The following GPR176 variants were observed in gnomAD, a reference collection of about 807,000 sequenced individuals.
GPR176 encodes the protein G protein-coupled receptor 176, also known as G-protein coupled receptor 176.
Under a neutral mutation model 35.4 loss-of-function variants are expected in GPR176, and 26 were observed. The ratio of observed to expected loss-of-function variants is 0.74; its 90% CI spans 0.54 to 1.02. GPR176 has a LOEUF of 1.02. Ranked by LOEUF, GPR176 falls within the 50% of genes least tolerant of loss-of-function variation. The pLI is 0.00. For synonymous variants in GPR176, 278 were observed against 271.3 expected (o/e 1.02, Z -0.24); for missense variants, 597 against 665.3 (o/e 0.90, Z 1.13).
chr15:39,850,796 A>T (rs1030662545), intron 1 of GPR176, among the ~76,000 whole-genome samples: 1 of 152,180 alleles, frequency 6.6e-6, no homozygotes, highest in Non-Finnish European at 1.5e-5. Flanking sequence ...TCAAAATAAA[A>T]TGTTTAATTT....
chr15:39,855,549 A>G (rs2031160450), intron 1 of GPR176, among the ~76,000 whole-genome samples: 1 of 152,168 alleles, frequency 6.6e-6, no homozygotes, highest in South Asian at 2.1e-4. Context: ...GCACAGCAGC[A>G]GGAGTTTTGG....
chr15:39,901,300 T>C (rs1313631343), intron 1 of GPR176, among the ~76,000 whole-genome samples: 1 of 152,204 alleles, frequency 6.6e-6, no homozygotes, highest in Non-Finnish European at 1.5e-5. Flanking sequence ...ATGGAAATGG[T>C]TGGCAGAAGC....
chr15:39,816,279 G>C (rs1255010471), intron 1 of GPR176, among the ~76,000 whole-genome samples: 1 of 152,110 alleles, frequency 6.6e-6, no homozygotes, highest in Non-Finnish European at 1.5e-5. Context: ...TAGATTTTAA[G>C]TGTTCTCAGC....
chr15:39,837,565 T>A lies in GPR176; in HGVS notation c.173-30307A>T, dbSNP rs555229122. Among the ~76,000 whole-genome samples, 5 of 152,320 alleles carry A rather than the reference T, an allele frequency of 3.3e-5. No individual in the cohort carries two copies. The South Asian group carries it at 1.0e-3, about 32-fold the overall frequency. On this transcript the variant is annotated intron_variant, in intron 1 of 2. Coordinates refer to ENST00000561100, the MANE Select transcript of GPR176 (RefSeq NM_007223.3). The stretch of plus-strand genomic sequence containing the variant: ...AATTTAATCTTCTGTTTCTCCATTA[T>A]ACTTTGTTTACATTAATTAACACAG...
chr15:39,885,473 G>C (rs1288150668), intron 1 of GPR176, among the ~76,000 whole-genome samples: 1 of 152,208 alleles, frequency 6.6e-6, no homozygotes, highest in Non-Finnish European at 1.5e-5. Flanking sequence ...AAGTAAATTA[G>C]AGACAAGTCT....
At chr15:39,817,618 G>A (rs1296468739) in intron 1 of GPR176, among the ~76,000 whole-genome samples, 1 of 152,182 alleles carries the variant, frequency 6.6e-6, no homozygotes, top group Non-Finnish European at 1.5e-5. Flanking sequence ...AAATCTAAAG[G>A]TCAAATTCAT....
intron 1 of GPR176, among the ~76,000 whole-genome samples, chr15:39,893,814 C>G (rs963485241): frequency 2.3e-5 from 3 of 130,844 alleles, no homozygotes; most frequent in Admixed American, 7.5e-5. Context: ...GATGGGGCGG[C>G]TGGCCTGGCA....
At chr15:39,829,109 A>G in intron 1 of GPR176, 2 of 1,300,908 alleles carry the variant, frequency 1.5e-6, no homozygotes, top group Non-Finnish European at 2.1e-6. Flanking sequence ...GAAGCAGTGG[A>G]GCTGGCATTC....
intron 1 of GPR176, among the ~76,000 whole-genome samples, chr15:39,850,684 T>C (rs919870354): frequency 6.6e-6 from 1 of 152,144 alleles, no homozygotes; most frequent in Non-Finnish European, 1.5e-5. Flanking sequence ...GGCTGTGATA[T>C]TGTACTACAA....
intron 1 of GPR176, among the ~76,000 whole-genome samples, chr15:39,895,106 G>A (rs560970022): frequency 2.6e-4 from 40 of 152,354 alleles, no homozygotes; most frequent in Admixed American, 7.2e-4. Flanking sequence ...TGCAATCGCA[G>A]GTACTCGGCA....
At position 39,802,077 on chromosome 15, in the gene GPR176, G is replaced by T. The variant is rs1898916016; in HGVS notation, c.603C>A (p.Gly201=). The part of the protein sequence containing the change: ...TCTEVWSNSL[G]HLVYVLVYNI... ...TATACACCAGAACGTACACCAGGTG[G>T]CCCAAGGAGTTGCTCCAGACTTCCG... Residue 201 remains glycine (G), a synonymous_variant, in exon 3 of 3, where the codon GGC becomes GGA. Coordinates refer to ENST00000561100, the MANE Select transcript of GPR176 (RefSeq NM_007223.3). The T allele has an allele frequency of 6.2e-7, 1 of 1,614,094 alleles. No homozygotes were observed.
intron 1 of GPR176, among the ~76,000 whole-genome samples, chr15:39,823,995 G>GCCTA (rs2140815395): frequency 6.6e-6 from 1 of 152,318 alleles, no homozygotes; most frequent in African/African-American, 2.4e-5. Context: ...TAGAAGTGGG[G>GCCTA]CCTAGTAGGA....
intron 1 of GPR176, among the ~76,000 whole-genome samples, chr15:39,816,999 T>C (rs1269757908): frequency 1.4e-5 from 2 of 140,818 alleles, no homozygotes; most frequent in South Asian, 2.2e-4. Flanking sequence ...AGTCTAGGAG[T>C]TGGAGGCTAC....
At chr15:39,822,648 C>T (rs1227746942) in intron 1 of GPR176, among the ~76,000 whole-genome samples, 2 of 152,192 alleles carry the variant, frequency 1.3e-5, no homozygotes, top group African/African-American at 2.4e-5. Flanking sequence ...AAACTTTAAG[C>T]TCTTTTAACT....
intron 1 of GPR176, among the ~76,000 whole-genome samples, chr15:39,887,526 C>A (rs1340765207): frequency 4.0e-5 from 6 of 149,852 alleles, no homozygotes; most frequent in African/African-American, 1.2e-4. Context: ...TGAAAAACAG[C>A]AAAGGCAGAG....
chr15:39,911,048 T>TAAATA (rs10639301), intron 1 of GPR176, among the ~76,000 whole-genome samples: 3,034 of 151,336 alleles, frequency 0.02, 110 homozygotes, highest in African/African-American at 0.068. Context: ...AAAAATAAAA[T>TAAATA]AAATAAAATA....
rs2030262214 is a variant in GPR176 at position 39,844,476 on chromosome 15, CCA to C, written c.173-37220_173-37219del. On this transcript the variant is annotated intron_variant, in intron 1 of 2. Coordinates refer to ENST00000561100, the MANE Select transcript of GPR176 (RefSeq NM_007223.3). ...GTTAGACAGTGTTCCATGGTTCTCA[CCA>C]CAGTCACAGGATCAGCCAAGAGGAC... is the stretch of plus-strand genomic sequence containing the variant. Among the ~76,000 whole-genome samples, 10 of 152,152 alleles carry C rather than the reference CCA, an allele frequency of 6.6e-5. No homozygotes were observed. In the South Asian group the frequency reaches 2.1e-3, roughly 32 times the overall value.
intron 1 of GPR176, among the ~76,000 whole-genome samples, chr15:39,892,423 T>C (rs923631719): frequency 6.6e-6 from 1 of 152,226 alleles, no homozygotes; most frequent in Admixed American, 6.5e-5. Context: ...TGAGTTTCTA[T>C]TTGAACTTAG....
chr15:39,807,098 G>T lies in GPR176; in HGVS notation c.333C>A (p.Ile111=). ...CGACCTTGCAGAAGAGCATGGTGTA[G>T]ATCCACCAGCAACAGTGAGGACTGG... The part of the protein sequence containing the change: ...LSTSPHCCWW[I]YTMLFCKVVK... The change falls in exon 2 of 3, where the codon ATC becomes ATA. Residue 111 remains isoleucine (I), a synonymous_variant. Coordinates refer to ENST00000561100, the MANE Select transcript of GPR176 (RefSeq NM_007223.3). 1 of 1,613,806 alleles carries T rather than the reference G, an allele frequency of 6.2e-7. No individual in the cohort carries two copies. Among genetic ancestry groups the T allele is most frequent in the Non-Finnish European group, 8.5e-7 (1 of 1,179,754 alleles).
Sources: allele counts gnomAD v4.1 joint callset (sites outside exome capture counted in the v4.1 genomes callset), GRCh38; gene constraint gnomAD v4.1.1; transcripts MANE v1.5; gene names NCBI Gene and HGNC (gene_info 2026-07-23, HGNC 2026-07-21).